The following RANBP17 variants were observed in gnomAD, a reference collection of about 807,000 sequenced individuals.
RANBP17 encodes ran-binding protein 17.
RANBP17 carries 158 observed loss-of-function variants against 141.2 expected under a neutral mutation model. That is an observed-to-expected ratio of 1.12 (90% CI 0.98 to 1.28). The LOEUF is 1.28. RANBP17 is among the 50% of genes most tolerant of loss of function. The probability of loss-of-function intolerance (pLI) is 0.00; values close to 1 mark genes in which losing one functional copy is unlikely to be tolerated. For synonymous variants in RANBP17, 430 were observed against 450.0 expected, an observed-to-expected ratio of 0.96 and a Z score of 0.56; for missense variants, 1,438 against 1,290.7, an observed-to-expected ratio of 1.11 and a Z score of -1.75.
chr5:170,874,191 G>A (rs569727529), intron 1 of RANBP17, among the ~76,000 whole-genome samples: 2 of 152,160 alleles, frequency 1.3e-5, no homozygotes, highest in South Asian at 4.1e-4. Context: ...TTTGCACTGT[G>A]GTCAGTGAGA....
At chr5:171,026,338 G>A (rs1781232326) in intron 14 of RANBP17, among the ~76,000 whole-genome samples, 1 of 152,154 alleles carries the variant, frequency 6.6e-6, no homozygotes, top group Admixed American at 6.5e-5. Context: ...CACTTGCTCA[G>A]TGTACACAGT....
At chr5:171,225,241 A>G (rs1763817122) in intron 22 of RANBP17, among the ~76,000 whole-genome samples, 1 of 152,248 alleles carries the variant, frequency 6.6e-6, no homozygotes, top group Admixed American at 6.5e-5. Context: ...ACTGTTCTTT[A>G]AAGTATGGTG....
At chr5:171,010,924 T>C (rs1291488821) in intron 14 of RANBP17, among the ~76,000 whole-genome samples, 2 of 152,098 alleles carry the variant, frequency 1.3e-5, no homozygotes, top group African/African-American at 4.8e-5. Context: ...TTTAAAATCT[T>C]CATACAAAGG....
At chr5:171,121,333 A>G (rs1042244287) in intron 14 of RANBP17, among the ~76,000 whole-genome samples, 1 of 152,196 alleles carries the variant, frequency 6.6e-6, no homozygotes, top group African/African-American at 2.4e-5. Context: ...TGGGGCTGCT[A>G]TTCAGGCCTG....
At chr5:170,989,939 A>T (rs923538467) in intron 14 of RANBP17, among the ~76,000 whole-genome samples, 5 of 151,780 alleles carry the variant, frequency 3.3e-5, no homozygotes, top group Non-Finnish European at 7.4e-5. Context: ...CAAAATATTT[A>T]TTGTCTTTAG....
At chr5:171,246,792 T>C (rs1765238896) in intron 24 of RANBP17, among the ~76,000 whole-genome samples, 1 of 152,228 alleles carries the variant, frequency 6.6e-6, no homozygotes, top group Non-Finnish European at 1.5e-5. Flanking sequence ...GCACTACCAC[T>C]TACTACTTGT....
chr5:170,998,530 G>A (rs938160840), intron 14 of RANBP17, among the ~76,000 whole-genome samples: 3 of 152,174 alleles, frequency 2.0e-5, no homozygotes, highest in Non-Finnish European at 4.4e-5. Context: ...ACTAAAAGTA[G>A]TAGAGGGCTT....
rs577187230 is a variant in RANBP17 at position 171,132,897 on chromosome 5, T to C, written c.1711-37233T>C. On this transcript the variant is annotated intron_variant, in intron 14 of 27. Coordinates refer to ENST00000523189, the MANE Select transcript of RANBP17 (RefSeq NM_022897.5). Reference sequence around the variant, plus strand: ...AGATTAGTCAGAATGTTTGTCTTTTTTTTTTGAGACGGAGTTTCGCTCTTG... The same window carrying C: ...AGATTAGTCAGAATGTTTGTCTTTTCTTTTTGAGACGGAGTTTCGCTCTTG... Among the ~76,000 whole-genome samples, 5 of 152,290 alleles carry C rather than the reference T, an allele frequency of 3.3e-5. No individual in the cohort carries two copies. The East Asian group carries it at 9.6e-4, about 29-fold the overall frequency.
At chr5:170,999,534 C>G (rs1779058072) in intron 14 of RANBP17, among the ~76,000 whole-genome samples, 1 of 152,000 alleles carries the variant, frequency 6.6e-6, no homozygotes, top group African/African-American at 2.4e-5. Context: ...TTAAATAATT[C>G]AGAATTGATA....
intron 3 of RANBP17, among the ~76,000 whole-genome samples, chr5:170,892,129 CTTTTT>C (rs143842890): frequency 9.1e-5 from 12 of 131,898 alleles, no homozygotes; most frequent in East Asian, 2.2e-4. Context: ...TCACAAAATT[CTTTTT>C]TTTTTTTTTT....
intron 19 of RANBP17, among the ~76,000 whole-genome samples, chr5:171,201,924 GTATT>G (rs1286299989): frequency 6.6e-6 from 1 of 152,144 alleles, no homozygotes; most frequent in Non-Finnish European, 1.5e-5. Context: ...CTTCAATAAA[GTATT>G]TAGTATTCCA....
At chr5:171,179,454 C>T (rs1446768722) in intron 16 of RANBP17, among the ~76,000 whole-genome samples, 1 of 152,058 alleles carries the variant, frequency 6.6e-6, no homozygotes, top group Admixed American at 6.6e-5. Context: ...AGTTACTCTA[C>T]TTTGTGCATA....
At chr5:171,158,106 A>G (rs1759032801) in intron 14 of RANBP17, among the ~76,000 whole-genome samples, 1 of 152,208 alleles carries the variant, frequency 6.6e-6, no homozygotes, top group African/African-American at 2.4e-5. Context: ...GCATGTTCCA[A>G]TTGCTAGTAT....
intron 24 of RANBP17, among the ~76,000 whole-genome samples, chr5:171,257,194 T>G (rs544373449): frequency 2.0e-5 from 3 of 152,252 alleles, no homozygotes; most frequent in Non-Finnish European, 4.4e-5. Flanking sequence ...CAACAGCATA[T>G]CCGAAAGATA....
intron 18 of RANBP17, among the ~76,000 whole-genome samples, chr5:171,194,140 C>T (rs759890120): frequency 5.3e-5 from 8 of 152,140 alleles, no homozygotes; most frequent in Non-Finnish European, 1.2e-4. Flanking sequence ...TTAGAAGTTT[C>T]ACTGTTTTGT....
Position 170,864,741 on chromosome 5 carries a change from A to G in RANBP17, c.18+2690A>G, listed in dbSNP as rs575332158. Among the ~76,000 whole-genome samples, 5 of 152,372 alleles carry G rather than the reference A, an allele frequency of 3.3e-5. No homozygotes were observed. In the South Asian group the frequency reaches 1.0e-3, roughly 32 times the overall value. ...TTTTGCTCAGGACTGTTTAAGAAGC[A>G]GGAAATATAGCCATGCTTCTTAATC... On this transcript the variant is annotated intron_variant, in intron 1 of 27. Coordinates refer to ENST00000523189, the MANE Select transcript of RANBP17 (RefSeq NM_022897.5).
chr5:171,298,734 C>A, intron 27 of RANBP17, 28 bp from the exon 28 acceptor site: 1 of 1,574,162 alleles, frequency 6.4e-7, no homozygotes. Context: ...TCATTACTAC[C>A]CTTGACCCTT....
intron 16 of RANBP17, among the ~76,000 whole-genome samples, chr5:171,172,363 A>G (rs1006225225): frequency 7.9e-5 from 12 of 151,838 alleles, no homozygotes; most frequent in African/African-American, 2.9e-4. Context: ...TGAGGATTTC[A>G]GGATTCTTTT....
Position 170,964,703 on chromosome 5 carries a change from C to G in RANBP17, c.1575-3539C>G, listed in dbSNP as rs540393650. On this transcript the variant is annotated intron_variant, in intron 13 of 27. Transcript: ENST00000523189. ...GAGAATGATGATTTCCAATTTCATC[C>G]ATGTCCCTACAAAGGACATGAACTC... Among the ~76,000 whole-genome samples, 317 of 152,224 alleles carry G rather than the reference C, an allele frequency of 2.1e-3. 1 individual carries two copies. Among genetic ancestry groups the G allele is most frequent in the African/African-American group, 7.5e-3 (310 of 41,522 alleles).
Sources: gnomAD v4.1 joint callset for allele counts (sites outside exome capture counted in the v4.1 genomes callset) on GRCh38, gnomAD v4.1.1 for gene constraint, MANE v1.5 for transcripts, NCBI Gene and HGNC (gene_info 2026-07-23, HGNC 2026-07-21) for gene names.